E2F3: variants seen among roughly 807,000 people sequenced by gnomAD.
E2F3 encodes E2F transcription factor 3, also known as transcription factor E2F3.
E2F3 carries 11 observed loss-of-function variants against 44.4 expected under a neutral mutation model. That is an observed-to-expected ratio of 0.25 (90% confidence interval 0.16 to 0.41). The LOEUF is 0.41. E2F3 is among the 10% of genes least tolerant of loss of function. The probability of loss-of-function intolerance (pLI) is 1.00; values close to 1 mark genes in which losing one functional copy is unlikely to be tolerated. For missense variants in E2F3, 487 were observed against 583.6 expected (o/e 0.83, Z 1.70); for synonymous variants, 249 against 253.0 (o/e 0.98, Z 0.15).
chr6:20,407,043 A>G (rs1759516647), intron 1 of E2F3, among the ~76,000 whole-genome samples: 1 of 152,188 alleles, frequency 6.6e-6, no homozygotes, highest in Non-Finnish European at 1.5e-5. Context: ...TTTGGGAAAG[A>G]GCCCTCAGTG....
At chr6:20,452,702 C>T (rs904764292) in intron 1 of E2F3, among the ~76,000 whole-genome samples, 2 of 152,138 alleles carry the variant, frequency 1.3e-5, no homozygotes, top group African/African-American at 4.8e-5. Flanking sequence ...GTAATCCCAG[C>T]ACTTTGGGAG....
intron 1 of E2F3, among the ~76,000 whole-genome samples, chr6:20,410,089 G>A (rs1759621159): frequency 6.6e-6 from 1 of 152,174 alleles, no homozygotes; most frequent in South Asian, 2.1e-4. Flanking sequence ...TCTGGACTCT[G>A]AGAATGATGG....
chr6:20,485,017 C>T (rs1762345020), intron 4 of E2F3, among the ~76,000 whole-genome samples: 1 of 151,736 alleles, frequency 6.6e-6, no homozygotes, highest in African/African-American at 2.4e-5. Context: ...TCTCTAAGCC[C>T]CCCCTTTTTT....
At chr6:20,459,346 G>A (rs961533310) in intron 1 of E2F3, among the ~76,000 whole-genome samples, 35 of 152,228 alleles carry the variant, frequency 2.3e-4, no homozygotes, top group African/African-American at 7.9e-4. Flanking sequence ...GAAGTCCCAC[G>A]GGTTATCTGA....
At chr6:20,472,789 A>G (rs925500026) in intron 1 of E2F3, among the ~76,000 whole-genome samples, 2 of 152,236 alleles carry the variant, frequency 1.3e-5, no homozygotes, top group East Asian at 3.8e-4. Context: ...TGCCAGCATG[A>G]TTATTCATTG....
rs1761222022 is a variant in E2F3 at position 20,453,818 on chromosome 6, G to A, written c.394-26028G>A. 2.0e-5 allele frequency among the ~76,000 whole-genome samples: 3 copies of A among 152,280 alleles called. No homozygotes were observed. The South Asian group carries it at 6.2e-4, about 32-fold the overall frequency. ...ATTATAAAGTAAATATTTTGTAAATGAAAAATGCCCACTATTCCCTTGTAA... is the reference window on the plus strand; with the variant it reads ...ATTATAAAGTAAATATTTTGTAAATAAAAAATGCCCACTATTCCCTTGTAA... On this transcript the variant is annotated intron_variant, in intron 1 of 6. Coordinates refer to ENST00000346618, the MANE Select transcript of E2F3 (RefSeq NM_001949.5).
intron 1 of E2F3, among the ~76,000 whole-genome samples, chr6:20,434,728 C>T (rs182261216): frequency 6.6e-6 from 1 of 152,266 alleles, no homozygotes; most frequent in Non-Finnish European, 1.5e-5. Flanking sequence ...GCTGAATATC[C>T]CTTCCTTGCC....
intron 1 of E2F3, among the ~76,000 whole-genome samples, chr6:20,408,730 G>C (rs1426991706): frequency 1.3e-5 from 2 of 152,176 alleles, no homozygotes; most frequent in Admixed American, 1.3e-4. Context: ...GAGGTAGAAA[G>C]CAGTGAGAAT....
At chr6:20,406,311 G>A (rs1166310828) in intron 1 of E2F3, among the ~76,000 whole-genome samples, 1 of 152,210 alleles carries the variant, frequency 6.6e-6, no homozygotes, top group Non-Finnish European at 1.5e-5. Context: ...CAAAAACAGT[G>A]TCACCTTTAA....
At chr6:20,436,184 T>C (rs1760570080) in intron 1 of E2F3, among the ~76,000 whole-genome samples, 1 of 152,176 alleles carries the variant, frequency 6.6e-6, no homozygotes, top group Non-Finnish European at 1.5e-5. Flanking sequence ...TTTCACCATG[T>C]TGGCCAGGTT....
chr6:20,444,748 GA>G (rs1760885501), intron 1 of E2F3, among the ~76,000 whole-genome samples: 1 of 146,702 alleles, frequency 6.8e-6, no homozygotes, highest in Non-Finnish European at 1.5e-5. Context: ...AACAACAACA[GA>G]AAACACATTT....
rs185919740 is a variant in E2F3, at chr6:20,423,463, T to C, written c.393+20838T>C. Reference sequence around the variant, plus strand: ...CATCATTGTTTGGCAGATGACTACATGTGACATTACAGTGCTTTTTTTTTG... The same window carrying C: ...CATCATTGTTTGGCAGATGACTACACGTGACATTACAGTGCTTTTTTTTTG... On this transcript the variant is annotated intron_variant, in intron 1 of 6. Transcript: ENST00000346618. 4.9e-4 allele frequency among the ~76,000 whole-genome samples: 75 copies of C among 152,358 alleles called. 2 individuals are homozygous for C. The highest frequency in any genetic ancestry group is 4.0e-3 in the Admixed American group (61 of 15,314).
chr6:20,441,375 A>G (rs1760767789), intron 1 of E2F3, among the ~76,000 whole-genome samples: 2 of 152,228 alleles, frequency 1.3e-5, no homozygotes, highest in African/African-American at 4.8e-5. Context: ...CATGGTATGT[A>G]TAAGGCCCCA....
intron 4 of E2F3, among the ~76,000 whole-genome samples, chr6:20,486,421 C>T (rs1037601564): frequency 5.9e-5 from 9 of 152,120 alleles, no homozygotes; most frequent in African/African-American, 1.7e-4. Context: ...TACAGGCGCC[C>T]GCCACCACGC....
At position 20,402,118 on chromosome 6, in the gene E2F3, C is replaced by G; in HGVS notation, c.-115C>G. 1 of 1,421,572 alleles carries G rather than the reference C, an allele frequency of 7.0e-7. No homozygotes were observed. Among genetic ancestry groups the G allele is most frequent in the Middle Eastern group, 2.6e-4 (1 of 3,840 alleles). 88.1% of individuals were successfully genotyped at this position (1,421,572 alleles called of 1,614,324 possible). On this transcript the variant is annotated 5_prime_UTR_variant, in exon 1 of 7. Coordinates refer to ENST00000346618, the MANE Select transcript of E2F3 (RefSeq NM_001949.5). This position sits in a 1 kb window ranked among gnomAD's most constrained non-coding sequence, Gnocchi z 5.6. ...AAAAGAGAGAGAGGGGGCTCGGAAG[C>G]GCCGGGCGGGGAGGAGAGAAGGAGG...
At chr6:20,408,751 T>C (rs1487896118) in intron 1 of E2F3, among the ~76,000 whole-genome samples, 1 of 152,160 alleles carries the variant, frequency 6.6e-6, no homozygotes, top group East Asian at 1.9e-4. Flanking sequence ...TGGCAGCTGA[T>C]GGAATAGAAA....
At chr6:20,404,790 A>G (rs945474647) in intron 1 of E2F3, among the ~76,000 whole-genome samples, 6 of 152,188 alleles carry the variant, frequency 3.9e-5, no homozygotes, top group Non-Finnish European at 5.9e-5. Context: ...TAGACATAGC[A>G]GTATCCGGTG....
intron 1 of E2F3, among the ~76,000 whole-genome samples, chr6:20,458,268 G>C (rs893041882): frequency 6.6e-6 from 1 of 152,200 alleles, no homozygotes; most frequent in Non-Finnish European, 1.5e-5. Flanking sequence ...TCCTTTTAAA[G>C]AATCGCGTGT....
rs562955925 is a variant in E2F3 at position 20,452,041 on chromosome 6, G to A, written c.394-27805G>A. On this transcript the variant is annotated intron_variant, in intron 1 of 6. Transcript: ENST00000346618. ...TTTCATTGTGTCTCTGCCAGGTTTCGGTATAAGGAGGATGCTAGCCTCATA... is the reference window on the plus strand; with the variant it reads ...TTTCATTGTGTCTCTGCCAGGTTTCAGTATAAGGAGGATGCTAGCCTCATA... 8.5e-5 allele frequency among the ~76,000 whole-genome samples: 13 copies of A among 152,206 alleles called. No individual in the cohort carries two copies. The South Asian group carries it at 1.4e-3, about 17-fold the overall frequency.
Sources: allele counts gnomAD v4.1 joint callset (sites outside exome capture counted in the v4.1 genomes callset), GRCh38; gene constraint gnomAD v4.1.1; non-coding constraint Gnocchi (gnomAD v3.1); transcripts MANE v1.5; gene names NCBI Gene and HGNC (gene_info 2026-07-23, HGNC 2026-07-21).